The following UMAD1 variants were observed in gnomAD, a reference collection of about 807,000 sequenced individuals.
UMAD1 encodes the protein UBAP1-MVB12-associated (UMA) domain containing 1.
Under a neutral mutation model 6.1 loss-of-function variants are expected in UMAD1, and 8 were observed. The observed-to-expected ratio is 1.30, with a 90% CI of 0.76 to 2.35. UMAD1 has a LOEUF of 2.35. Ranked by LOEUF, UMAD1 falls within the 30% of genes most tolerant of loss-of-function variation. UMAD1 has a pLI of 0.00. For missense variants in UMAD1, 130 were observed against 78.4 expected, an observed-to-expected ratio of 1.66 and a Z score of -2.49; for synonymous variants, 56 against 31.4, an observed-to-expected ratio of 1.78 and a Z score of -2.61.
intron 2 of UMAD1, among the ~76,000 whole-genome samples, chr7:7,728,249 C>G (rs192488453): frequency 2.0e-4 from 31 of 152,312 alleles, no homozygotes; most frequent in African/African-American, 7.5e-4. Flanking sequence ...GTACCTCTAC[C>G]TGGGAAAATC....
intron 2 of UMAD1, among the ~76,000 whole-genome samples, chr7:7,691,099 A>T (rs1232070474): frequency 6.6e-6 from 1 of 152,160 alleles, no homozygotes; most frequent in South Asian, 2.1e-4. Context: ...CAGAAGTGTT[A>T]TGCTGCCAAC....
At chr7:7,722,301 A>G (rs1439955311) in intron 2 of UMAD1, among the ~76,000 whole-genome samples, 1 of 151,930 alleles carries the variant, frequency 6.6e-6, no homozygotes, top group Non-Finnish European at 1.5e-5. Context: ...AATATTAAGG[A>G]TGGAGTTCCT....
chr7:7,727,257 A>G (rs1781158039), intron 2 of UMAD1, among the ~76,000 whole-genome samples: 2 of 152,194 alleles, frequency 1.3e-5, no homozygotes, highest in South Asian at 4.1e-4. Flanking sequence ...TGTTAAGAAA[A>G]TGCCTTCATT....
chr7:7,702,120 T>A (rs1186314033), intron 2 of UMAD1, among the ~76,000 whole-genome samples: 2 of 152,206 alleles, frequency 1.3e-5, no homozygotes, highest in East Asian at 3.8e-4. Flanking sequence ...ACTATGTAGA[T>A]GTTTTCTATT....
chr7:7,777,849 G>A (rs1782251380), intron 2 of UMAD1, among the ~76,000 whole-genome samples: 1 of 152,132 alleles, frequency 6.6e-6, no homozygotes, highest in Non-Finnish European at 1.5e-5. Flanking sequence ...TGTACACAGG[G>A]CTATTTCTGG....
chr7:7,715,904 C>G (rs915128943), intron 2 of UMAD1, among the ~76,000 whole-genome samples: 2 of 152,156 alleles, frequency 1.3e-5, no homozygotes, highest in Non-Finnish European at 2.9e-5. Flanking sequence ...ATTTACTAAA[C>G]TTTGGTGAAA....
intron 2 of UMAD1, among the ~76,000 whole-genome samples, chr7:7,705,296 T>C (rs528210083): frequency 6.6e-6 from 1 of 152,218 alleles, no homozygotes; most frequent in Non-Finnish European, 1.5e-5. Context: ...TGGAAAAATA[T>C]CTGACTTATA....
At chr7:7,841,104 A>T (rs1251616830) in intron 3 of UMAD1, among the ~76,000 whole-genome samples, 2 of 152,176 alleles carry the variant, frequency 1.3e-5, no homozygotes, top group Non-Finnish European at 2.9e-5. Context: ...AACATATAAC[A>T]TTCTAATATT....
chr7:7,854,448 A>C (rs1255168752), intron 3 of UMAD1, among the ~76,000 whole-genome samples: 1 of 151,784 alleles, frequency 6.6e-6, no homozygotes, highest in Non-Finnish European at 1.5e-5. Flanking sequence ...CAATCATGGC[A>C]GAAGATACCT....
At chr7:7,710,842 A>G (rs1780740311) in intron 2 of UMAD1, among the ~76,000 whole-genome samples, 2 of 152,218 alleles carry the variant, frequency 1.3e-5, no homozygotes, top group Non-Finnish European at 2.9e-5. Context: ...ATATCATGGA[A>G]TAATACTCAG....
chr7:7,714,792 T>C (rs924682284), intron 2 of UMAD1, among the ~76,000 whole-genome samples: 6 of 152,012 alleles, frequency 3.9e-5, no homozygotes, highest in African/African-American at 1.4e-4. Flanking sequence ...ATTTAGGGTG[T>C]TGGGCACTTG....
intron 2 of UMAD1, among the ~76,000 whole-genome samples, chr7:7,799,863 A>G (rs996996745): frequency 1.3e-5 from 2 of 152,192 alleles, no homozygotes; most frequent in African/African-American, 4.8e-5. Flanking sequence ...AATTTTTATT[A>G]TGTATCATAA....
At chr7:7,703,673 T>G (rs573866338) in intron 2 of UMAD1, among the ~76,000 whole-genome samples, 2 of 152,286 alleles carry the variant, frequency 1.3e-5, no homozygotes, top group South Asian at 4.1e-4. Context: ...GTTTTAATTA[T>G]GAAACGCAGA....
chr7:7,673,973 A>G (rs1779676944), intron 2 of UMAD1, among the ~76,000 whole-genome samples: 1 of 152,190 alleles, frequency 6.6e-6, no homozygotes, highest in African/African-American at 2.4e-5. Context: ...ATTTCTTACA[A>G]TCAAATACAG....
At chr7:7,667,414 G>A (rs929177054) in intron 1 of UMAD1, among the ~76,000 whole-genome samples, 1 of 152,110 alleles carries the variant, frequency 6.6e-6, no homozygotes, top group African/African-American at 2.4e-5. Context: ...AGAGCTTACC[G>A]CATACTAGGC....
In UMAD1 at chr7:7,787,018, G is replaced by T. The variant is rs76054734; in HGVS notation, c.83-14652G>T. Among the ~76,000 whole-genome samples, 306 of 152,272 alleles carry T rather than the reference G, an allele frequency of 2.0e-3. 1 individual carries two copies. The highest frequency in any genetic ancestry group is 7.1e-3 in the African/African-American group (293 of 41,550). ...CCTTAAAACAACTTATTAGAGATTA[G>T]AATTTTTAAAATCTGTTTTGCAATA... On this transcript the variant is annotated intron_variant, in intron 2 of 3. Coordinates refer to ENST00000682710, the MANE Select transcript of UMAD1 (RefSeq NM_001302348.2).
At chr7:7,722,393 A>G (rs1435149814) in intron 2 of UMAD1, among the ~76,000 whole-genome samples, 15 of 152,098 alleles carry the variant, frequency 9.9e-5, no homozygotes, top group African/African-American at 3.1e-4. Context: ...CTAATGGTAT[A>G]GAGAACACTG....
At chr7:7,644,822 T>C (rs1359741801) in intron 1 of UMAD1, among the ~76,000 whole-genome samples, 1 of 152,226 alleles carries the variant, frequency 6.6e-6, no homozygotes, top group Non-Finnish European at 1.5e-5. Flanking sequence ...TGCTCTTCTG[T>C]ATAGAATGTA....
At chr7:7,676,599 T>A (rs1779746659) in intron 2 of UMAD1, among the ~76,000 whole-genome samples, 1 of 152,232 alleles carries the variant, frequency 6.6e-6, no homozygotes, top group Admixed American at 6.5e-5. Flanking sequence ...CTGTTTTTTA[T>A]TTGTTTTAAT....
Sources: allele counts gnomAD v4.1 joint callset (sites outside exome capture counted in the v4.1 genomes callset), GRCh38; gene constraint gnomAD v4.1.1; transcripts MANE v1.5; gene names NCBI Gene and HGNC (gene_info 2026-07-23, HGNC 2026-07-21).